The following PRKG1 variants were observed in gnomAD, a reference collection of about 807,000 sequenced individuals.
The protein encoded by PRKG1 is protein kinase cGMP-dependent 1.
PRKG1 carries 35 observed loss-of-function variants against 88.1 expected under a neutral mutation model. That is an observed-to-expected ratio of 0.40 (90% CI 0.30 to 0.53). The LOEUF is 0.53. Among genes scored for constraint, PRKG1 ranks in the 20% least tolerant of loss-of-function variants. The pLI is 0.59. For missense variants in PRKG1, 540 were observed against 839.8 expected, an observed-to-expected ratio of 0.64 and a Z score of 4.41; for synonymous variants, 303 against 292.5, an observed-to-expected ratio of 1.04 and a Z score of -0.37.
intron 1 of PRKG1, among the ~76,000 whole-genome samples, chr10:51,144,503 A>ACC (rs1845894075): frequency 6.6e-6 from 1 of 152,148 alleles, no homozygotes; most frequent in Non-Finnish European, 1.5e-5. Flanking sequence ...TGGTAATAAT[A>ACC]AATATTAATA....
intron 2 of PRKG1, among the ~76,000 whole-genome samples, chr10:51,153,912 A>G (rs1229736146): frequency 6.6e-6 from 1 of 152,052 alleles, no homozygotes; most frequent in Admixed American, 6.6e-5. Flanking sequence ...CGCACTGTGT[A>G]ATATGTTTTA....
At chr10:51,112,924 A>G (rs1180775822) in intron 1 of PRKG1, among the ~76,000 whole-genome samples, 2 of 152,222 alleles carry the variant, frequency 1.3e-5, no homozygotes, top group Non-Finnish European at 2.9e-5. Context: ...GCTATTCAAT[A>G]TACCAGGTTG....
At chr10:52,122,356 A>G (rs1305640440) in intron 7 of PRKG1, among the ~76,000 whole-genome samples, 2 of 152,212 alleles carry the variant, frequency 1.3e-5, no homozygotes, top group African/African-American at 4.8e-5. Flanking sequence ...TGCATTAGTG[A>G]TTAAGTTTCC....
intron 3 of PRKG1, among the ~76,000 whole-genome samples, chr10:51,783,629 A>C (rs1589283171): frequency 6.6e-6 from 1 of 152,050 alleles, no homozygotes; most frequent in African/African-American, 2.4e-5. Context: ...GCATTCATCA[A>C]CACCACCTGG....
At position 52,217,943 on chromosome 10, in the gene PRKG1, G is replaced by C. The variant is rs148059314; in HGVS notation, c.1077-33627G>C. Among the ~76,000 whole-genome samples the C allele has an allele frequency of 6.0e-4, 91 of 152,200 alleles. 1 individual carries two copies. Among genetic ancestry groups the C allele is most frequent in the African/African-American group, 2.0e-3 (85 of 41,550 alleles). On this transcript the variant is annotated intron_variant, in intron 9 of 17. Coordinates refer to ENST00000373980, the MANE Select transcript of PRKG1 (RefSeq NM_006258.4). ...GAAAAATAGCTTACAGCTGGGAGCC[G>C]TGGCTCACACCTGTAATCTCAGCAC...
chr10:51,638,025 G>A (rs145102514), intron 3 of PRKG1, among the ~76,000 whole-genome samples: 62 of 152,242 alleles, frequency 4.1e-4, no homozygotes, highest in Admixed American at 8.5e-4. Flanking sequence ...GAAACAAGAC[G>A]AGAGATCCCC....
intron 3 of PRKG1, among the ~76,000 whole-genome samples, chr10:51,576,578 T>C (rs1249002951): frequency 6.6e-6 from 1 of 151,928 alleles, no homozygotes; most frequent in African/African-American, 2.4e-5. Flanking sequence ...ATCCTAATAA[T>C]GGGAATAGTG....
intron 3 of PRKG1, among the ~76,000 whole-genome samples, chr10:51,766,885 A>T (rs886572403): frequency 4.6e-5 from 7 of 152,032 alleles, no homozygotes; most frequent in Non-Finnish European, 8.8e-5. Flanking sequence ...GTACTTTCCA[A>T]ATGTTTTGAG....
intron 2 of PRKG1, among the ~76,000 whole-genome samples, chr10:51,329,663 C>A (rs1841680385): frequency 6.6e-6 from 1 of 152,140 alleles, no homozygotes; most frequent in Admixed American, 6.5e-5. Context: ...CTTTAATTCT[C>A]CTTCATTTCT....
intron 3 of PRKG1, among the ~76,000 whole-genome samples, chr10:51,641,532 C>T (rs79520928): frequency 0.01 from 1,559 of 152,264 alleles, 30 homozygotes; most frequent in African/African-American, 0.035. Flanking sequence ...TAAACAGTCT[C>T]CATCTTGGCA....
chr10:51,253,450 C>G (rs1031014485), intron 2 of PRKG1, among the ~76,000 whole-genome samples: 5 of 151,844 alleles, frequency 3.3e-5, no homozygotes, highest in African/African-American at 2.4e-5. Context: ...TCATCTTTCC[C>G]CCCAATAGAC....
At chr10:52,058,326 C>T (rs1846157792) in intron 6 of PRKG1, among the ~76,000 whole-genome samples, 1 of 151,904 alleles carries the variant, frequency 6.6e-6, no homozygotes, top group African/African-American at 2.4e-5. Flanking sequence ...TTGAAAAAGC[C>T]ATATCATTCA....
intron 3 of PRKG1, among the ~76,000 whole-genome samples, chr10:51,715,774 GA>G (rs1345518061): frequency 6.6e-5 from 10 of 152,044 alleles, no homozygotes; most frequent in African/African-American, 2.4e-4. Flanking sequence ...TGGAAAGTCA[GA>G]ATGAAAAAAA....
intron 3 of PRKG1, among the ~76,000 whole-genome samples, chr10:51,579,735 A>G (rs1837982316): frequency 6.6e-6 from 1 of 152,090 alleles, no homozygotes; most frequent in Non-Finnish European, 1.5e-5. Flanking sequence ...CTATATTTCC[A>G]TTTAATTTAT....
chr10:51,034,452 T>C (rs1322916256), intron 1 of PRKG1, among the ~76,000 whole-genome samples: 1 of 151,856 alleles, frequency 6.6e-6, no homozygotes, highest in Non-Finnish European at 1.5e-5. Flanking sequence ...CCATGTCTAT[T>C]TTTCATAAAA....
intron 5 of PRKG1, among the ~76,000 whole-genome samples, chr10:51,998,183 A>G (rs1170787573): frequency 1.3e-5 from 2 of 152,160 alleles, no homozygotes; most frequent in Non-Finnish European, 2.9e-5. Context: ...TGGTTAATAT[A>G]ATGAATGGCA....
At chr10:51,452,233 T>C (rs293268) in intron 2 of PRKG1, among the ~76,000 whole-genome samples, 84,549 of 151,664 alleles carry the variant, frequency 0.56, 25,252 homozygotes, top group African/African-American at 0.75. Context: ...CATAGGGAAC[T>C]CTAGTCTACC....
chr10:52,000,892 G>A (rs932128385), intron 5 of PRKG1, among the ~76,000 whole-genome samples: 5 of 151,900 alleles, frequency 3.3e-5, no homozygotes, highest in Admixed American at 2.6e-4. Flanking sequence ...TTTTAATAAT[G>A]TAACAGCTTA....
At chr10:51,902,974 A>G (rs1354174575) in intron 4 of PRKG1, among the ~76,000 whole-genome samples, 1 of 152,210 alleles carries the variant, frequency 6.6e-6, no homozygotes, top group African/African-American at 2.4e-5. Flanking sequence ...GCATGTAATT[A>G]TGTTATTCTA....
Sources: gnomAD v4.1 joint callset for allele counts (sites outside exome capture counted in the v4.1 genomes callset) on GRCh38, gnomAD v4.1.1 for gene constraint, MANE v1.5 for transcripts, NCBI Gene and HGNC (gene_info 2026-07-23, HGNC 2026-07-21) for gene names.